ARMH3: variants seen among roughly 807,000 people sequenced by gnomAD.
The protein encoded by ARMH3 is armadillo like helical domain containing 3.
A neutral mutation model predicts 99.1 loss-of-function variants in ARMH3; 60 were observed. The ratio of observed to expected loss-of-function variants is 0.61; its 90% CI spans 0.49 to 0.75. The LOEUF is 0.75. ARMH3 is among the 30% of genes least tolerant of loss of function. ARMH3 has a pLI of 0.00. For synonymous variants in ARMH3, 285 were observed against 292.8 expected (o/e 0.97, Z 0.27); for missense variants, 679 against 843.1 (o/e 0.81, Z 2.41).
rs763426072 is a variant in ARMH3, at chr10:102,033,036, T to C, written c.296A>G (p.Asn99Ser). Residue 99 changes from asparagine (N) to serine (S), a missense_variant, in exon 4 of 26, where the codon AAT (asparagine) becomes AGT (serine). By Grantham distance (46) the Asn-to-Ser change is conservative. Transcript: ENST00000370033. ...CTCCCAGCCTTGTACCTGCAATGCA[T>C]TGACAACCCGAATTGGATGCTCCTC... is the stretch of plus-strand genomic sequence containing the variant. ...LGEEHPIRVV[N>S]ALQTLCALIR... 28 of 1,614,038 alleles carry C rather than the reference T, an allele frequency of 1.7e-5. 2 individuals are homozygous for C. In the Middle Eastern group the frequency reaches 1.5e-3, roughly 85 times the overall value.
chr10:101,944,036 C>T (rs2135734030), intron 22 of ARMH3, among the ~76,000 whole-genome samples: 1 of 147,590 alleles, frequency 6.8e-6, no homozygotes, highest in African/African-American at 2.5e-5. Flanking sequence ...TGCACTCCAG[C>T]CTGGGTGACA....
intron 15 of ARMH3, among the ~76,000 whole-genome samples, chr10:101,997,498 A>C (rs1177216494): frequency 6.6e-6 from 1 of 151,900 alleles, no homozygotes; most frequent in South Asian, 2.1e-4. Flanking sequence ...AGGCTGAGGC[A>C]GGGGAATCGC....
chr10:101,966,203 T>C (rs1200336712), intron 20 of ARMH3, among the ~76,000 whole-genome samples: 1 of 149,958 alleles, frequency 6.7e-6, no homozygotes, highest in African/African-American at 2.5e-5. Context: ...CCTCCCGGGT[T>C]CAAGCGATTC....
chr10:101,981,721 A>C (rs1410334572), intron 19 of ARMH3, among the ~76,000 whole-genome samples: 1 of 152,010 alleles, frequency 6.6e-6, no homozygotes, highest in African/African-American at 2.4e-5. Flanking sequence ...GTACTCTCTT[A>C]AAAGACTTGG....
intron 23 of ARMH3, among the ~76,000 whole-genome samples, chr10:101,912,391 C>CAAAAA (rs34173316): frequency 6.0e-5 from 5 of 83,088 alleles, no homozygotes; most frequent in East Asian, 3.6e-4. Flanking sequence ...GACTCTGTCT[C>CAAAAA]AAAAAAAAAA....
intron 24 of ARMH3, among the ~76,000 whole-genome samples, chr10:101,854,998 G>T (rs1383459856): frequency 3.9e-5 from 1 of 25,674 alleles, no homozygotes; most frequent in African/African-American, 1.4e-4. Context: ...AGGGGCTAGG[G>T]CCTCATACAT....
intron 23 of ARMH3, among the ~76,000 whole-genome samples, chr10:101,938,347 GT>G (rs1844084142): frequency 6.6e-6 from 1 of 152,232 alleles, no homozygotes; most frequent in African/African-American, 2.4e-5. Flanking sequence ...GCTCAGCCCA[GT>G]CCTTTCTTAG....
chr10:101,889,308 C>G, intron 24 of ARMH3, 104 bp downstream of exon 24: 2 of 1,131,192 alleles, frequency 1.8e-6, no homozygotes, highest in Non-Finnish European at 2.7e-6. Context: ...TGGCCCTGGT[C>G]ACTACCACAA....
At position 102,031,888 on chromosome 10, in the gene ARMH3, G is replaced by A. The variant is rs761178654; in HGVS notation, c.306+1138C>T. On this transcript the variant is annotated intron_variant, in intron 4 of 25. Transcript: ENST00000370033. ...CAAGTAGCTGGGATTACAGGCATGC[G>A]CCACCACGCCCGGCTAATTTTTTGT... is the stretch of plus-strand genomic sequence containing the variant. Among the ~76,000 whole-genome samples the A allele has an allele frequency of 2.0e-5, 3 of 152,148 alleles. No homozygotes were observed. The South Asian group carries it at 6.2e-4, about 32-fold the overall frequency.
intron 23 of ARMH3, among the ~76,000 whole-genome samples, chr10:101,905,030 C>T (rs1290070723): frequency 6.6e-6 from 1 of 151,712 alleles, no homozygotes; most frequent in African/African-American, 2.4e-5. Context: ...TCAAAGCATA[C>T]TTCCTGGCTA....
At chr10:101,864,072 A>ACACACACAC (rs1356328511) in intron 24 of ARMH3, among the ~76,000 whole-genome samples, 58 of 134,640 alleles carry the variant, frequency 4.3e-4, no homozygotes, top group Non-Finnish European at 4.2e-4. Context: ...AAAAAAAAAA[A>ACACACACAC]AAAAAAACAC....
At chr10:102,023,653 G>C (rs1213400128) in intron 7 of ARMH3, 22 bp downstream of exon 7, 2 of 1,610,998 alleles carry the variant, frequency 1.2e-6, no homozygotes, top group Admixed American at 3.3e-5. Context: ...ACCCCAAAGA[G>C]AGGAGGTAAC....
intron 14 of ARMH3, among the ~76,000 whole-genome samples, chr10:102,006,155 C>T (rs932155819): frequency 8.5e-5 from 13 of 152,188 alleles, no homozygotes; most frequent in African/African-American, 3.1e-4. Flanking sequence ...CATCAGATAA[C>T]ATTACTATTT....
intron 1 of ARMH3, among the ~76,000 whole-genome samples, chr10:102,049,400 C>A (rs1468548980): frequency 6.6e-6 from 1 of 151,806 alleles, no homozygotes; most frequent in Non-Finnish European, 1.5e-5. Context: ...AAATTAGCCA[C>A]GCATCGTGGC....
At chr10:101,950,482 A>G (rs1482046827) in intron 22 of ARMH3, among the ~76,000 whole-genome samples, 1 of 152,252 alleles carries the variant, frequency 6.6e-6, no homozygotes, top group Non-Finnish European at 1.5e-5. Context: ...ATGCCCACAC[A>G]AAAATTTGTA....
chr10:101,879,919 T>G (rs1274137151), intron 24 of ARMH3, among the ~76,000 whole-genome samples: 1 of 152,176 alleles, frequency 6.6e-6, no homozygotes, highest in East Asian at 1.9e-4. Flanking sequence ...ATAAGCAGCT[T>G]GTAAAACCCC....
At chr10:102,004,881 C>T (rs747293538) in intron 14 of ARMH3, among the ~76,000 whole-genome samples, 2 of 151,742 alleles carry the variant, frequency 1.3e-5, no homozygotes, top group Non-Finnish European at 2.9e-5. Context: ...ACCAGCCTGG[C>T]CAATACAGTG....
At chr10:102,036,147 A>G (rs112800850) in intron 2 of ARMH3, among the ~76,000 whole-genome samples, 148 of 45,350 alleles carry the variant, frequency 3.3e-3, no homozygotes, top group East Asian at 0.012. Context: ...CAGCCGCCCC[A>G]TCCGGGAGGG....
chr10:101,960,231 C>T (rs935060599), intron 20 of ARMH3, among the ~76,000 whole-genome samples: 16 of 152,126 alleles, frequency 1.1e-4, no homozygotes, highest in African/African-American at 3.1e-4. Context: ...AAAATGAAGC[C>T]TCTGACATCA....
Sources: gnomAD v4.1 joint callset for allele counts (sites outside exome capture counted in the v4.1 genomes callset) on GRCh38, gnomAD v4.1.1 for gene constraint, MANE v1.5 for transcripts, NCBI Gene and HGNC (gene_info 2026-07-23, HGNC 2026-07-21) for gene names.